The following NUDC variants were observed in gnomAD, a reference collection of about 807,000 sequenced individuals.
NUDC encodes the protein nuclear distribution C, dynein complex regulator.
In NUDC, 14 loss-of-function variants were observed where a neutral mutation model predicts 45.0. The observed-to-expected ratio is 0.31, with a 90% CI of 0.21 to 0.49. The LOEUF (loss-of-function observed/expected upper bound fraction) is 0.49, where lower values mean the gene tolerates loss of function less well. Ranked by LOEUF, NUDC falls within the 20% of genes least tolerant of loss-of-function variation. The pLI, the probability that NUDC is intolerant of heterozygous loss-of-function variation, is 0.99. For synonymous variants in NUDC, 153 were observed against 156.7 expected, an observed-to-expected ratio of 0.98 and a Z score of 0.17; for missense variants, 323 against 426.2, an observed-to-expected ratio of 0.76 and a Z score of 2.13.
chr1:26,930,451 CTT>C (rs2082171412), intron 2 of NUDC, among the ~76,000 whole-genome samples: 1 of 152,204 alleles, frequency 6.6e-6, no homozygotes, highest in Non-Finnish European at 1.5e-5. Context: ...GTACCCAGCT[CTT>C]TTGTTTTTTA....
chr1:26,941,639 G>T lies in NUDC; in HGVS notation c.342G>T (p.Arg114Ser), dbSNP rs761323402. The change falls in exon 3 of 9, where the codon AGG becomes AGT. Residue 114 changes from arginine (R) to serine (S), a missense_variant. Arg to Ser is a moderately radical substitution (Grantham distance 110). This residue lies in a region of NUDC where 245 missense variants were observed against 278.8 expected (regional missense o/e 0.88). Transcript: ENST00000321265. ...IKELTDEEAE[R>S]LQLEIDQKKD... ...AGCTAACTGATGAAGAGGCAGAGAG[G>T]CTGCAGCTAGAGATTGACCAGGTGA... 6.2e-7 allele frequency: 1 copy of T among 1,612,064 alleles called. No homozygotes were observed. The highest frequency in any genetic ancestry group is 8.5e-7 in the Non-Finnish European group (1 of 1,179,122).
chr1:26,929,462 T>C (rs2082161316), intron 2 of NUDC, among the ~76,000 whole-genome samples: 2 of 151,926 alleles, frequency 1.3e-5, no homozygotes, highest in African/African-American at 4.8e-5. Context: ...CTTACATCCG[T>C]AGCAGTTACA....
intron 2 of NUDC, among the ~76,000 whole-genome samples, chr1:26,940,138 G>T (rs1457610291): frequency 2.0e-5 from 3 of 152,096 alleles, no homozygotes; most frequent in African/African-American, 7.2e-5. Context: ...CTTCCTTCAA[G>T]AAAGCTCCCT....
rs768228924 is a variant in NUDC at position 26,945,451 on chromosome 1, A to T, written c.803A>T (p.Lys268Met). 1.2e-6 allele frequency: 2 copies of T among 1,614,182 alleles called. No individual in the cohort carries two copies. Among genetic ancestry groups the T allele is most frequent in the East Asian group, 2.2e-5 (1 of 44,886 alleles). Reference protein sequence around the residue: ...VSSDPEINTKKINPENSKLSD... With the variant: ...VSSDPEINTKMINPENSKLSD... ...AGTGACCCTGAGATCAACACCAAGA[A>T]GATTAACCCTGAGAATTCCAAGGTG... The change falls in exon 7 of 9, where the codon AAG (lysine) becomes ATG (methionine). Residue 268 changes from lysine (K) to methionine (M), a missense_variant. Physicochemically the swap from Lys to Met is moderately conservative, Grantham distance 95 (BLOSUM62 -1). Around this residue, in one of 3 missense-constraint regions of NUDC, gnomAD observed 54 missense variants for 100.2 expected, o/e 0.54. Coordinates refer to ENST00000321265, the MANE Select transcript of NUDC (RefSeq NM_006600.4).
intron 2 of NUDC, among the ~76,000 whole-genome samples, chr1:26,909,736 A>T (rs995212011): frequency 3.3e-5 from 5 of 151,994 alleles, no homozygotes; most frequent in Non-Finnish European, 7.4e-5. Context: ...ACAAGGTTAC[A>T]CGGGGTGGTA....
Position 26,913,214 on chromosome 1 carries a change from G to A in NUDC, c.93+1979G>A, listed in dbSNP as rs956101155. 3.9e-5 allele frequency among the ~76,000 whole-genome samples: 6 copies of A among 152,146 alleles called. No homozygotes were observed. In the East Asian group the frequency reaches 9.6e-4, roughly 24 times the overall value. ...GGCAGAGAAAATTGCTTGAACCCAG[G>A]AGGCAGAGGTTGCAGTGAGCCAAGA... On this transcript the variant is annotated intron_variant, in intron 3 of 6. Transcript: ENST00000435827.
intron 2 of NUDC, among the ~76,000 whole-genome samples, chr1:26,935,060 C>T (rs1265484689): frequency 2.6e-5 from 4 of 151,980 alleles, no homozygotes; most frequent in African/African-American, 9.7e-5. Flanking sequence ...CAGCTCACTG[C>T]AACCTCTGCC....
intron 2 of NUDC, among the ~76,000 whole-genome samples, chr1:26,937,362 C>T (rs576721848): frequency 6.6e-6 from 1 of 152,164 alleles, no homozygotes; most frequent in Non-Finnish European, 1.5e-5. Context: ...TCACAGCAAC[C>T]TCCGGCTCCC....
At position 26,907,568 on chromosome 1, in the gene NUDC, G is replaced by T. The variant is rs142068644; in HGVS notation, c.-15-3560G>T. On this transcript the variant is annotated intron_variant, in intron 2 of 6. Transcript: ENST00000435827. ...GTTCTAGGATATTTGAATGCCCCAA[G>T]GACAGGGTGGAGTTAATGCGGGACA... Among the ~76,000 whole-genome samples the T allele has an allele frequency of 1.4e-3, 215 of 151,146 alleles. No homozygotes were observed. The Middle Eastern group carries it at 0.017, about 12-fold the overall frequency.
At chr1:26,934,076 G>T (rs56684417) in intron 2 of NUDC, among the ~76,000 whole-genome samples, 1 of 152,150 alleles carries the variant, frequency 6.6e-6, no homozygotes, top group African/African-American at 2.4e-5. Context: ...TCGCTTAAAC[G>T]TGGGAGGCAG....
intron 3 of NUDC, chr1:26,913,968 T>C: frequency 2.8e-6 from 4 of 1,436,928 alleles, no homozygotes; most frequent in Non-Finnish European, 3.7e-6. Flanking sequence ...CACTTCCAGC[T>C]CTCTGGCTCT....
chr1:26,900,280 G>T (rs1257449138), exon 1 of NUDC: 20 of 1,613,774 alleles, frequency 1.2e-5, no homozygotes, highest in Non-Finnish European at 1.6e-5. Flanking sequence ...GGAGGGGCCC[G>T]CTCAGGCCGA....
At chr1:26,934,693 T>C (rs1357912977) in intron 2 of NUDC, among the ~76,000 whole-genome samples, 9 of 150,580 alleles carry the variant, frequency 6.0e-5, no homozygotes, top group Non-Finnish European at 1.2e-4. Flanking sequence ...GGAGTCTCGC[T>C]CTGTCGCCCG....
intron 3 of NUDC, among the ~76,000 whole-genome samples, chr1:26,916,068 T>TA: frequency 6.6e-6 from 1 of 152,164 alleles, no homozygotes; most frequent in Admixed American, 6.6e-5. Context: ...GCCTGAAGGT[T>TA]ACGATTTGGA....
intron 3 of NUDC, among the ~76,000 whole-genome samples, chr1:26,916,206 C>G (rs567925312): frequency 6.6e-6 from 1 of 151,584 alleles, no homozygotes; most frequent in East Asian, 1.9e-4. Context: ...CTGGTCAACA[C>G]AGTGAGACCT....
chr1:26,929,604 C>A, intron 2 of NUDC: 1 of 259,952 alleles, frequency 3.8e-6, no homozygotes, highest in South Asian at 3.4e-5. Flanking sequence ...GGGGAGTGGT[C>A]CTGGAACAAA....
chr1:26,920,780 A>AC (rs200063114), upstream of NUDC, among the ~76,000 whole-genome samples: 9,553 of 151,264 alleles, frequency 0.063, 318 homozygotes, highest in Non-Finnish European at 0.074. Context: ...AAAAAACAAA[A>AC]AAAAAAAAAC....
intron 1 of NUDC, among the ~76,000 whole-genome samples, chr1:26,923,533 C>T (rs1278679207): frequency 6.6e-6 from 1 of 151,980 alleles, no homozygotes; most frequent in African/African-American, 2.4e-5. Flanking sequence ...TGCGGTGGCA[C>T]GATCTTGGCT....
upstream of NUDC, among the ~76,000 whole-genome samples, chr1:26,917,239 C>T (rs374254722): frequency 7.7e-4 from 116 of 150,564 alleles, 1 homozygote; most frequent in South Asian, 0.023. Flanking sequence ...GACTGGGCAA[C>T]GGAGTGAGAC....
Sources: gnomAD v4.1 joint callset for allele counts (sites outside exome capture counted in the v4.1 genomes callset) on GRCh38, gnomAD v4.1.1 for gene constraint, gnomAD v4.1.1 regional missense constraint, MANE v1.5 for transcripts, NCBI Gene and HGNC (gene_info 2026-07-23, HGNC 2026-07-21) for gene names.